The following ADD3 variants were observed in gnomAD, a reference collection of about 807,000 sequenced individuals.
The protein encoded by ADD3 is adducin 3, also known as gamma-adducin.
ADD3 carries 25 observed loss-of-function variants against 80.2 expected under a neutral mutation model. The observed-to-expected ratio is 0.31, with a 90% CI of 0.23 to 0.44. ADD3 has a LOEUF of 0.44. Ranked by LOEUF, ADD3 falls within the 20% of genes least tolerant of loss-of-function variation. The pLI is 1.00. For synonymous variants in ADD3, 284 were observed against 289.6 expected (o/e 0.98, Z 0.20); for missense variants, 829 against 847.5 (o/e 0.98, Z 0.27).
At chr10:110,078,916 T>C (rs1845693396) in intron 1 of ADD3, among the ~76,000 whole-genome samples, 1 of 152,200 alleles carries the variant, frequency 6.6e-6, no homozygotes, top group Non-Finnish European at 1.5e-5. Flanking sequence ...TTAAATAGAT[T>C]TTTATTTGGA....
chr10:110,130,041 A>T (rs1278466978), intron 12 of ADD3, among the ~76,000 whole-genome samples: 3 of 152,146 alleles, frequency 2.0e-5, no homozygotes, highest in Non-Finnish European at 4.4e-5. Flanking sequence ...AAATGGAGCA[A>T]TTCTTGTTTT....
intron 1 of ADD3, among the ~76,000 whole-genome samples, chr10:110,073,133 G>GTTTTTTTTT (rs1443878675): frequency 4.7e-5 from 5 of 106,488 alleles, no homozygotes; most frequent in Admixed American, 8.9e-5. Flanking sequence ...TTGAGTTTTA[G>GTTTTTTTTT]TTTTCTTTTT....
intron 1 of ADD3, among the ~76,000 whole-genome samples, chr10:110,060,533 T>C (rs144920351): frequency 6.6e-6 from 1 of 152,356 alleles, no homozygotes; most frequent in African/African-American, 2.4e-5. Context: ...AATCAAATGC[T>C]TGCTCTGTGT....
rs938326103 is a variant in ADD3, at chr10:110,046,413, T to C, written c.-30+38114T>C. Among the ~76,000 whole-genome samples the C allele has an allele frequency of 8.1e-4, 117 of 144,546 alleles. 1 individual carries two copies. The highest frequency in any genetic ancestry group is 3.2e-3 in the African/African-American group (114 of 35,648). 94.8% of individuals were successfully genotyped at this position (144,546 alleles called of 152,430 possible). ...AATAGTTGGGGATAGTCCAAAGTTATACGTGGATTTTTTTTTTTTTTTGAC... is the reference window on the plus strand; with the variant it reads ...AATAGTTGGGGATAGTCCAAAGTTACACGTGGATTTTTTTTTTTTTTTGAC... On this transcript the variant is annotated intron_variant, in intron 1 of 14. Coordinates refer to ENST00000356080, the MANE Select transcript of ADD3 (RefSeq NM_016824.5).
At chr10:110,071,569 AT>A (rs1002091212) in intron 1 of ADD3, among the ~76,000 whole-genome samples, 3 of 152,156 alleles carry the variant, frequency 2.0e-5, no homozygotes, top group African/African-American at 7.2e-5. Flanking sequence ...ATGATTGCAG[AT>A]TTTTTTAATG....
At chr10:110,061,727 C>T (rs1406429134) in intron 1 of ADD3, among the ~76,000 whole-genome samples, 4 of 152,162 alleles carry the variant, frequency 2.6e-5, no homozygotes, top group African/African-American at 9.7e-5. Context: ...GTCTGAGATA[C>T]ATTCTACACT....
intron 1 of ADD3, among the ~76,000 whole-genome samples, chr10:110,046,635 C>T (rs1393261927): frequency 6.6e-6 from 1 of 152,168 alleles, no homozygotes; most frequent in Non-Finnish European, 1.5e-5. Flanking sequence ...ATTCTACTTA[C>T]TGTTGTCACT....
At chr10:110,111,989 G>A (rs1850091012) in intron 2 of ADD3, among the ~76,000 whole-genome samples, 1 of 152,006 alleles carries the variant, frequency 6.6e-6, no homozygotes, top group African/African-American at 2.4e-5. Context: ...TTATTAATTT[G>A]CTTTCAGAGT....
At position 110,135,158 on chromosome 10, in the gene ADD3, A is replaced by C. The variant is rs559148170; in HGVS notation, c.*1540A>C. ...GCATATGATAATGCAGAGTTGAGCCAGAGCCTGGAAATGTCATTCTAGATC... is the reference window on the plus strand; with the variant it reads ...GCATATGATAATGCAGAGTTGAGCCCGAGCCTGGAAATGTCATTCTAGATC... On this transcript the variant is annotated 3_prime_UTR_variant, in exon 15 of 15. Transcript: ENST00000356080. The C allele has an allele frequency of 2.0e-5, 3 of 152,634 alleles. No individual in the cohort carries two copies. Among genetic ancestry groups the C allele is most frequent in the African/African-American group, 7.2e-5 (3 of 41,572 alleles). The allele number at this position is 152,634 out of a possible 1,614,324, so 9.5% of individuals were successfully genotyped here.
At chr10:110,097,234 G>T (rs1416896108) in intron 1 of ADD3, among the ~76,000 whole-genome samples, 1 of 152,090 alleles carries the variant, frequency 6.6e-6, no homozygotes, top group African/African-American at 2.4e-5. Context: ...AATAGCTCAG[G>T]TATTGTTTGG....
chr10:110,004,301 G>A (rs1468101081), upstream of ADD3, among the ~76,000 whole-genome samples: 1 of 150,806 alleles, frequency 6.6e-6, no homozygotes, highest in Non-Finnish European at 1.5e-5. Context: ...TTGGGAGGCC[G>A]AGACAGGCGG....
chr10:110,017,126 G>A (rs1853099833), intron 1 of ADD3, among the ~76,000 whole-genome samples: 1 of 152,152 alleles, frequency 6.6e-6, no homozygotes, highest in African/African-American at 2.4e-5. Flanking sequence ...CGTTAACAAA[G>A]GGCAGAGCCA....
chr10:110,009,379 A>G (rs1240677179), intron 1 of ADD3, among the ~76,000 whole-genome samples: 2 of 152,204 alleles, frequency 1.3e-5, no homozygotes, highest in African/African-American at 2.4e-5. Flanking sequence ...AGTGCAGGGT[A>G]CGTTCCTAAT....
chr10:110,045,123 G>T (rs1290513697), intron 1 of ADD3, among the ~76,000 whole-genome samples: 1 of 152,222 alleles, frequency 6.6e-6, no homozygotes, highest in Non-Finnish European at 1.5e-5. Context: ...GGGAGGCCAA[G>T]GTGGGGTGGA....
intron 1 of ADD3, among the ~76,000 whole-genome samples, chr10:110,009,152 G>A (rs1055328881): frequency 6.6e-6 from 1 of 151,392 alleles, no homozygotes; most frequent in Non-Finnish European, 1.5e-5. Flanking sequence ...CTTGGCACAT[G>A]TGCTGTTGCA....
intron 1 of ADD3, among the ~76,000 whole-genome samples, chr10:110,025,735 T>A (rs1478999921): frequency 3.3e-5 from 5 of 152,194 alleles, no homozygotes; most frequent in Non-Finnish European, 7.3e-5. Context: ...TTCCTGCCTC[T>A]GTCCAGTGCT....
At chr10:110,078,204 G>A (rs1929016) in intron 1 of ADD3, among the ~76,000 whole-genome samples, 18,886 of 152,166 alleles carry the variant, frequency 0.12, 3,747 homozygotes, top group African/African-American at 0.42. Flanking sequence ...ATAGCAAAAA[G>A]CACTAGCCTG....
intron 8 of ADD3, chr10:110,121,795 AC>A: frequency 5.0e-6 from 1 of 198,688 alleles, no homozygotes; most frequent in East Asian, 1.1e-4. Flanking sequence ...TAACTGGATA[AC>A]CCTGGGAAAA....
chr10:110,088,318 CAA>C (rs1377606574), intron 1 of ADD3, among the ~76,000 whole-genome samples: 2 of 152,184 alleles, frequency 1.3e-5, no homozygotes, highest in Admixed American at 6.5e-5. Flanking sequence ...AAGTTTTTGA[CAA>C]ATCCGTTTTG....
Sources: allele counts gnomAD v4.1 joint callset (sites outside exome capture counted in the v4.1 genomes callset), GRCh38; gene constraint gnomAD v4.1.1; transcripts MANE v1.5; gene names NCBI Gene and HGNC (gene_info 2026-07-23, HGNC 2026-07-21).